The following HIVEP1 variants were observed in gnomAD, a reference collection of about 807,000 sequenced individuals.
The protein encoded by HIVEP1 is zinc finger protein 40.
HIVEP1 carries 36 observed loss-of-function variants against 180.0 expected under a neutral mutation model. The observed-to-expected ratio is 0.20, with a 90% CI of 0.15 to 0.26. The LOEUF is 0.26. Ranked by LOEUF, HIVEP1 falls within the 10% of genes least tolerant of loss-of-function variation. The pLI, the probability that HIVEP1 is intolerant of heterozygous loss-of-function variation, is 1.00. For missense variants in HIVEP1, 3,143 were observed against 3,268.7 expected (o/e 0.96, Z 0.94); for synonymous variants, 1,239 against 1,239.0 (o/e 1.00, Z 0.00).
At chr6:12,096,915 T>C (rs1259461717) in intron 3 of HIVEP1, among the ~76,000 whole-genome samples, 2 of 152,068 alleles carry the variant, frequency 1.3e-5, no homozygotes, top group Non-Finnish European at 2.9e-5. Context: ...GAAAATGTTT[T>C]AAAACTGGGA....
At chr6:12,174,678 A>G in the HIVEP1 span, among the ~76,000 whole-genome samples, 26,894 of 152,204 alleles carry the variant, frequency 0.18, 2,429 homozygotes, top group Middle Eastern at 0.31. Flanking sequence ...TTCAGGCGAC[A>G]AAACATTTCA....
chr6:12,055,111 A>T (rs116016604), intron 2 of HIVEP1, among the ~76,000 whole-genome samples: 1,530 of 152,368 alleles, frequency 0.01, 21 homozygotes, highest in African/African-American at 0.035. Context: ...TGCAATAAAC[A>T]TTACGAACCT....
At chr6:12,210,683 G>GA in the HIVEP1 span, among the ~76,000 whole-genome samples, 4 of 152,124 alleles carry the variant, frequency 2.6e-5, no homozygotes, top group Admixed American at 6.5e-5. Context: ...TTGAAGGGGG[G>GA]AAATGATACA....
At chr6:12,011,471 GCCGCGTGA>G (rs1371791394), upstream of HIVEP1, among the ~76,000 whole-genome samples, 40 of 151,048 alleles carry the variant, frequency 2.6e-4, no homozygotes, top group African/African-American at 9.0e-4. Context: ...CCTTCCCGGG[GCCGCGTGA>G]CTGGCCGGGC....
Position 12,120,916 on chromosome 6 carries a change from A to T in HIVEP1, c.1121A>T (p.Tyr374Phe). ...ACACAGTCGCCCCCCATGCCAATCT[A>T]TAATTCAACTCATGTTGCCTCTGTT... ...NSTQSPPMPI[Y>F]NSTHVASVVN... Residue 374 changes from tyrosine to phenylalanine, a missense_variant, in exon 4 of 9, where the codon TAT becomes TTT. Tyr to Phe is a conservative substitution (Grantham distance 22, BLOSUM62 3). Transcript: ENST00000379388. 6.2e-7 allele frequency: 1 copy of T among 1,614,184 alleles called. No homozygotes were observed. The highest frequency in any genetic ancestry group is 1.1e-5 in the South Asian group (1 of 91,080).
At chr6:12,032,120 A>AT (rs1342755931) in intron 2 of HIVEP1, among the ~76,000 whole-genome samples, 2 of 150,758 alleles carry the variant, frequency 1.3e-5, no homozygotes, top group Non-Finnish European at 2.9e-5. Context: ...ACTGATGCAA[A>AT]TGTTAGTTCA....
chr6:12,210,694 C>A, the HIVEP1 span, among the ~76,000 whole-genome samples: 3 of 152,098 alleles, frequency 2.0e-5, no homozygotes, highest in African/African-American at 4.8e-5. Flanking sequence ...AAATGATACA[C>A]CTTTGTAAAT....
At chr6:12,212,047 T>G in the HIVEP1 span, among the ~76,000 whole-genome samples, 1 of 152,238 alleles carries the variant, frequency 6.6e-6, no homozygotes, top group Non-Finnish European at 1.5e-5. Flanking sequence ...GCACAGGTAT[T>G]TCTCAGGTAA....
chr6:12,164,188 T>C lies in HIVEP1; in HGVS notation c.7884T>C (p.Asp2628=), dbSNP rs1760605321. The C allele has an allele frequency of 7.4e-6, 12 of 1,614,098 alleles. No individual in the cohort carries two copies. The highest frequency in any genetic ancestry group is 3.3e-5 in the Admixed American group (2 of 60,012). Residue 2628 remains aspartate, a synonymous_variant, in exon 9 of 9, where the codon GAT becomes GAC. Coordinates refer to ENST00000379388, the MANE Select transcript of HIVEP1 (RefSeq NM_002114.4). ...CTGCAGGTGACCATGCAAGGCTTGA[T>C]GGCCTGAGTAAAATGGACACAGAGA... ...PAPAGDHARL[D]GLSKMDTEKA... is the part of the protein sequence containing the mutation.
At chr6:12,200,493 C>T in the HIVEP1 span, among the ~76,000 whole-genome samples, 3 of 152,324 alleles carry the variant, frequency 2.0e-5, no homozygotes, top group Non-Finnish European at 2.9e-5. Flanking sequence ...AAGCTAAGTA[C>T]CCTTGTGGCC....
At chr6:12,011,474 G>C (rs1767297113), upstream of HIVEP1, among the ~76,000 whole-genome samples, 1 of 149,738 alleles carries the variant, frequency 6.7e-6, no homozygotes, top group African/African-American at 2.5e-5. Context: ...TCCCGGGGCC[G>C]CGTGACTGGC....
rs1023826731 is a variant in HIVEP1, at chr6:12,063,520, G to A, written c.41-25664G>A. Among the ~76,000 whole-genome samples, 8 of 152,156 alleles carry A rather than the reference G, an allele frequency of 5.3e-5. No homozygotes were observed. Among genetic ancestry groups the A allele is most frequent in the African/African-American group, 1.4e-4 (6 of 41,436 alleles). On this transcript the variant is annotated intron_variant, in intron 2 of 8. Coordinates refer to ENST00000379388, the MANE Select transcript of HIVEP1 (RefSeq NM_002114.4). The surrounding 1 kb of genome is among the most constrained non-coding windows in gnomAD (Gnocchi z 4.2). ...CTCATGTTGGCAGGTGTGGCTGCAC[G>A]TGGAAGGTGGGTTGGAAGGCAGGGA...
chr6:12,071,658 G>C (rs1378148594), intron 2 of HIVEP1, among the ~76,000 whole-genome samples: 1 of 152,194 alleles, frequency 6.6e-6, no homozygotes, highest in East Asian at 1.9e-4. Context: ...GTGTATGTTA[G>C]AAAATAGATT....
chr6:12,013,337 G>C (rs1767514348), intron 1 of HIVEP1, among the ~76,000 whole-genome samples: 2 of 152,168 alleles, frequency 1.3e-5, no homozygotes, highest in Non-Finnish European at 2.9e-5. Context: ...TTTTGATCGT[G>C]TCATGTTTTT....
intron 2 of HIVEP1, among the ~76,000 whole-genome samples, chr6:12,088,594 T>C (rs942953823): frequency 1.3e-5 from 2 of 152,134 alleles, no homozygotes; most frequent in Non-Finnish European, 2.9e-5. Context: ...CTGACAAAAC[T>C]GTGCACATGT....
upstream of HIVEP1, among the ~76,000 whole-genome samples, chr6:12,010,086 G>T (rs1044352483): frequency 2.0e-5 from 3 of 152,158 alleles, no homozygotes; most frequent in Non-Finnish European, 4.4e-5. Flanking sequence ...TTTACTTTTG[G>T]ATTCAAATAA....
rs778731686 is a variant in HIVEP1, at chr6:12,125,320, G to C, written c.5525G>C (p.Gly1842Ala). 1 of 1,613,950 alleles carries C rather than the reference G, an allele frequency of 6.2e-7. No homozygotes were observed. The highest frequency in any genetic ancestry group is 2.2e-5 in the East Asian group (1 of 44,890). ...TTACCAGCTGATAATTCATCAACAG[G>C]ATGCTCTAAATTTGTCGTTATAGAA... ...NVLPADNSST[G>A]CSKFVVIEPI... Residue 1842 changes from glycine (G) to alanine (A), a missense_variant, in exon 4 of 9, where the codon GGA becomes GCA. By Grantham distance (60) the Gly-to-Ala change is moderately conservative. This residue lies in a region of HIVEP1 where 1,357 missense variants were observed against 1,260.5 expected (regional missense o/e 1.08). Coordinates refer to ENST00000379388, the MANE Select transcript of HIVEP1 (RefSeq NM_002114.4).
intron 2 of HIVEP1, among the ~76,000 whole-genome samples, chr6:12,062,037 G>A (rs1771271851): frequency 6.6e-6 from 1 of 152,152 alleles, no homozygotes; most frequent in African/African-American, 2.4e-5. Context: ...GTCATTGACT[G>A]CTTAATGCAT....
chr6:12,164,537 C>G lies in HIVEP1; in HGVS notation c.*76C>G. 4.4e-6 allele frequency: 5 copies of G among 1,134,696 alleles called. No homozygotes were observed. Among genetic ancestry groups the G allele is most frequent in the Non-Finnish European group, 6.1e-6 (5 of 816,678 alleles). 70.3% of individuals were successfully genotyped at this position (1,134,696 alleles called of 1,614,324 possible). A position where few individuals can be genotyped will look rare whatever the true frequency, so the allele number is the denominator to read the frequency against. ...TTTGAAAACCCTCCTTTCCTTAAAG[C>G]ACATTTTTCTGACATAAACTCATGA... On this transcript the variant is annotated 3_prime_UTR_variant, in exon 9 of 9. Transcript: ENST00000379388.
Sources: allele counts gnomAD v4.1 joint callset (sites outside exome capture counted in the v4.1 genomes callset), GRCh38; gene constraint gnomAD v4.1.1; regional missense constraint gnomAD v4.1.1; non-coding constraint Gnocchi (gnomAD v3.1); transcripts MANE v1.5; gene names NCBI Gene and HGNC (gene_info 2026-07-23, HGNC 2026-07-21).